NEK11: variants seen among roughly 807,000 people sequenced by gnomAD.
The protein encoded by NEK11 is serine/threonine-protein kinase Nek11.
NEK11 carries 72 observed loss-of-function variants against 80.7 expected under a neutral mutation model. The observed-to-expected ratio is 0.89, with a 90% CI of 0.74 to 1.08. The LOEUF (loss-of-function observed/expected upper bound fraction) is 1.08, where lower values mean the gene tolerates loss of function less well. NEK11 is among the 50% of genes least tolerant of loss of function. NEK11 has a pLI of 0.00. For synonymous variants in NEK11, 251 were observed against 260.7 expected (o/e 0.96, Z 0.36); for missense variants, 764 against 763.6 (o/e 1.00, Z -0.01).
At chr3:131,070,581 C>G (rs2073096677) in intron 3 of NEK11, among the ~76,000 whole-genome samples, 1 of 152,206 alleles carries the variant, frequency 6.6e-6, no homozygotes, top group African/African-American at 2.4e-5. Flanking sequence ...TCATTAGTGC[C>G]TCATCGAAAG....
At chr3:131,146,754 A>G (rs1316627761) in intron 7 of NEK11, among the ~76,000 whole-genome samples, 1 of 151,938 alleles carries the variant, frequency 6.6e-6, no homozygotes, top group African/African-American at 2.4e-5. Context: ...AGTGTGTAGC[A>G]TGTAGTGGTA....
chr3:131,053,252 A>G (rs1034024074), intron 3 of NEK11: 4 of 152,244 alleles, frequency 2.6e-5, no homozygotes, highest in Non-Finnish European at 5.9e-5. Context: ...AGACATGTCA[A>G]CATTTCCAAT....
chr3:131,290,015 T>C (rs955058417), intron 17 of NEK11, among the ~76,000 whole-genome samples: 1 of 152,196 alleles, frequency 6.6e-6, no homozygotes, highest in African/African-American at 2.4e-5. Context: ...ACAGGGCCTT[T>C]GATTGAAGCA....
chr3:131,307,564 AG>A (rs1222142646), intron 17 of NEK11, among the ~76,000 whole-genome samples: 1 of 152,226 alleles, frequency 6.6e-6, no homozygotes, highest in Non-Finnish European at 1.5e-5. Context: ...TAATATCTAT[AG>A]AAAGTGAAGA....
chr3:131,229,671 A>G (rs757006003), intron 15 of NEK11, among the ~76,000 whole-genome samples: 3 of 152,184 alleles, frequency 2.0e-5, no homozygotes, highest in African/African-American at 4.8e-5. Flanking sequence ...ATTATGTGTC[A>G]TAATATTCAA....
intron 14 of NEK11, among the ~76,000 whole-genome samples, chr3:131,226,864 A>T (rs1364929393): frequency 1.3e-5 from 2 of 152,172 alleles, no homozygotes; most frequent in South Asian, 2.1e-4. Context: ...TAGGTATGTT[A>T]TATATATATG....
intron 3 of NEK11, chr3:131,053,282 C>T (rs781326940): frequency 6.6e-6 from 1 of 152,140 alleles, no homozygotes; most frequent in African/African-American, 2.4e-5. Context: ...AATTCAAGGT[C>T]GAAAATGTCT....
chr3:131,142,238 A>G (rs542217146), intron 7 of NEK11, among the ~76,000 whole-genome samples: 1 of 152,184 alleles, frequency 6.6e-6, no homozygotes, highest in South Asian at 2.1e-4. Flanking sequence ...TCCTATGCCA[A>G]TTCCCCCTGT....
chr3:131,280,814 T>A (rs2096384200), intron 17 of NEK11, among the ~76,000 whole-genome samples: 1 of 152,192 alleles, frequency 6.6e-6, no homozygotes, highest in Non-Finnish European at 1.5e-5. Context: ...TACTTTTGGT[T>A]TTTACTTTTG....
intron 7 of NEK11, among the ~76,000 whole-genome samples, chr3:131,145,840 C>G (rs1276802254): frequency 6.6e-6 from 1 of 151,976 alleles, no homozygotes; most frequent in Non-Finnish European, 1.5e-5. Flanking sequence ...AATAATAGTT[C>G]CTACCTCATT....
intron 17 of NEK11, among the ~76,000 whole-genome samples, chr3:131,274,815 G>A (rs2096266485): frequency 6.6e-6 from 1 of 150,968 alleles, no homozygotes; most frequent in Admixed American, 6.6e-5. Context: ...CACCGCGCCT[G>A]GCTAATTTTT....
rs990653416 is a variant in NEK11 at position 131,162,640 on chromosome 3, G to A, written c.1082+113G>A. 3.4e-6 allele frequency: 4 copies of A among 1,176,268 alleles called. No homozygotes were observed. The African/African-American group carries it at 4.6e-5, about 13-fold the overall frequency. 72.9% of individuals were successfully genotyped at this position (1,176,268 alleles called of 1,614,324 possible). On this transcript the variant is annotated intron_variant, in intron 11 of 17. Coordinates refer to ENST00000383366, the MANE Select transcript of NEK11 (RefSeq NM_024800.5). The stretch of plus-strand genomic sequence containing the variant: ...AGGAAACCCCAATGCATACGATTAT[G>A]TATTTATGTGTTTATTCATTCACTT...
rs187719157 is a variant in NEK11, at chr3:131,203,021, C to T, written c.1400-25507C>T. Among the ~76,000 whole-genome samples the T allele has an allele frequency of 5.1e-3, 783 of 152,214 alleles. 5 individuals are homozygous for T. Among genetic ancestry groups the T allele is most frequent in the African/African-American group, 0.017 (703 of 41,538 alleles). ...TCAACCATTGTGGAAGGCAGTGTGG[C>T]GATTCTTCAGGGATCTAGAACTAGA... On this transcript the variant is annotated intron_variant, in intron 14 of 17. Coordinates refer to ENST00000383366, the MANE Select transcript of NEK11 (RefSeq NM_024800.5).
intron 14 of NEK11, among the ~76,000 whole-genome samples, chr3:131,216,870 G>A (rs2094854580): frequency 6.6e-6 from 1 of 152,210 alleles, no homozygotes; most frequent in African/African-American, 2.4e-5. Flanking sequence ...TCCCTTGGGC[G>A]CAGAGGGGGC....
intron 14 of NEK11, among the ~76,000 whole-genome samples, chr3:131,202,527 G>T (rs1010813520): frequency 1.3e-5 from 2 of 152,026 alleles, no homozygotes; most frequent in Non-Finnish European, 2.9e-5. Flanking sequence ...TGGCAAGCCT[G>T]GCATCTAAGA....
At chr3:131,063,182 G>A (rs1292846134) in intron 3 of NEK11, among the ~76,000 whole-genome samples, 1 of 151,922 alleles carries the variant, frequency 6.6e-6, no homozygotes, top group Non-Finnish European at 1.5e-5. Flanking sequence ...ATGCCACCAC[G>A]CCCAGCTAAT....
intron 16 of NEK11, among the ~76,000 whole-genome samples, chr3:131,257,051 C>A (rs1265463968): frequency 6.6e-6 from 1 of 152,020 alleles, no homozygotes; most frequent in Non-Finnish European, 1.5e-5. Flanking sequence ...GTGGCACAAT[C>A]ATGGCTCACT....
chr3:131,218,792 C>T (rs1561034989), intron 14 of NEK11, among the ~76,000 whole-genome samples: 1 of 152,196 alleles, frequency 6.6e-6, no homozygotes, highest in African/African-American at 2.4e-5. Flanking sequence ...TTGCGTTTCT[C>T]TAATGACCAG....
chr3:131,187,315 G>A (rs1320714484), intron 14 of NEK11, among the ~76,000 whole-genome samples: 1 of 152,140 alleles, frequency 6.6e-6, no homozygotes, highest in Non-Finnish European at 1.5e-5. Flanking sequence ...GTCTTATTGG[G>A]CAGCACTGTT....
Sources: allele counts gnomAD v4.1 joint callset (sites outside exome capture counted in the v4.1 genomes callset), GRCh38; gene constraint gnomAD v4.1.1; transcripts MANE v1.5; gene names NCBI Gene and HGNC (gene_info 2026-07-23, HGNC 2026-07-21).